Variants in IGSF11 observed in about 807,000 individuals in gnomAD.
IGSF11 encodes immunoglobulin superfamily member 11.
A neutral mutation model predicts 41.0 loss-of-function variants in IGSF11; 22 were observed. That is an observed-to-expected ratio of 0.54 (90% CI 0.38 to 0.77). IGSF11 has a LOEUF of 0.77. IGSF11 is among the 30% of genes least tolerant of loss of function. The pLI is 0.00. For synonymous variants in IGSF11, 219 were observed against 201.3 expected (o/e 1.09, Z -0.74); for missense variants, 444 against 530.8 (o/e 0.84, Z 1.61).
intron 1 of IGSF11, among the ~76,000 whole-genome samples, chr3:118,991,324 T>C (rs1198923701): frequency 6.6e-6 from 1 of 152,182 alleles, no homozygotes; most frequent in Non-Finnish European, 1.5e-5. Context: ...TATGTTATGG[T>C]GGTCTGACCG....
chr3:119,140,468 G>A (rs1015016842), intron 1 of IGSF11, among the ~76,000 whole-genome samples: 1 of 152,108 alleles, frequency 6.6e-6, no homozygotes, highest in Non-Finnish European at 1.5e-5. Context: ...CCAAAAATAT[G>A]TGAAGCAAAA....
intron 1 of IGSF11, among the ~76,000 whole-genome samples, chr3:119,056,498 A>G (rs1941840344): frequency 6.6e-6 from 1 of 152,186 alleles, no homozygotes; most frequent in Non-Finnish European, 1.5e-5. Flanking sequence ...CCAACCAAAA[A>G]AAGTCCAGGA....
intron 1 of IGSF11, among the ~76,000 whole-genome samples, chr3:118,967,644 T>C (rs1945773942): frequency 6.6e-6 from 1 of 152,070 alleles, no homozygotes; most frequent in Non-Finnish European, 1.5e-5. Context: ...AGCTTAGAAA[T>C]CACTTTCTTA....
At chr3:119,094,710 C>T (rs1427923936) in intron 1 of IGSF11, among the ~76,000 whole-genome samples, 10 of 146,358 alleles carry the variant, frequency 6.8e-5, no homozygotes, top group African/African-American at 1.5e-4. Context: ...TCACTCTTGT[C>T]GCCCAGGCTG....
intron 1 of IGSF11, among the ~76,000 whole-genome samples, chr3:119,044,971 G>A (rs1941263158): frequency 6.6e-6 from 1 of 151,962 alleles, no homozygotes; most frequent in South Asian, 2.1e-4. Context: ...AAATCTCACA[G>A]GACCTATAAA....
intron 1 of IGSF11, among the ~76,000 whole-genome samples, chr3:118,996,584 C>T (rs1936285760): frequency 6.6e-6 from 1 of 152,010 alleles, no homozygotes; most frequent in Admixed American, 6.6e-5. Context: ...AGACAAAGAA[C>T]ATGTCTTGTT....
chr3:119,040,467 T>C (rs1190045517), intron 1 of IGSF11, among the ~76,000 whole-genome samples: 1 of 152,200 alleles, frequency 6.6e-6, no homozygotes, highest in Non-Finnish European at 1.5e-5. Flanking sequence ...TCCCCTGTCT[T>C]GATGAATTGG....
chr3:119,045,386 CG>C (rs1357104217), intron 1 of IGSF11, among the ~76,000 whole-genome samples: 3 of 152,222 alleles, frequency 2.0e-5, no homozygotes, highest in African/African-American at 7.2e-5. Flanking sequence ...GGGTGACGAA[CG>C]GCACCTGGAA....
chr3:119,120,653 C>T lies in IGSF11; in HGVS notation c.-13-15448G>A, dbSNP rs772954344. The stretch of plus-strand genomic sequence containing the variant: ...CCCGTGAAAAGATTGGCCTCCCACC[C>T]TAACCTTTTGTTATACAAATGTGGC... On this transcript the variant is annotated intron_variant, in intron 1 of 7. Transcript: ENST00000425327. 3.9e-4 allele frequency among the ~76,000 whole-genome samples: 60 copies of T among 152,184 alleles called. 1 individual carries two copies. The highest frequency in any genetic ancestry group is 2.6e-4 in the Admixed American group (4 of 15,288).
In IGSF11 at chr3:119,014,526, T is replaced by A. The variant is rs932914704; in HGVS notation, c.52+20005A>T. Among the ~76,000 whole-genome samples the A allele has an allele frequency of 7.9e-5, 12 of 152,346 alleles. 1 individual carries two copies. In the South Asian group the frequency reaches 1.4e-3, roughly 18 times the overall value. On this transcript the variant is annotated intron_variant, in intron 1 of 6. Transcript: ENST00000393775. ...ACAGAAAGGCCCCAAGAAGAGATGA[T>A]TTTTGACCCTAAAGAAGTTAAAATT...
intron 1 of IGSF11, chr3:118,946,097 C>T (rs1001864368): frequency 6.6e-6 from 1 of 151,892 alleles, no homozygotes; most frequent in South Asian, 2.1e-4. Context: ...TTGTGCTTTT[C>T]CTTATCATAA....
At position 119,079,912 on chromosome 3, in the gene IGSF11, C is replaced by A. The variant is rs540366242; in HGVS notation, c.49+25232G>T. Among the ~76,000 whole-genome samples, 16 of 152,228 alleles carry A rather than the reference C, an allele frequency of 1.1e-4. No homozygotes were observed. The South Asian group carries it at 3.3e-3, about 32-fold the overall frequency. ...TGGAGGGTATGAGAAGGGTAAGGAT[C>A]AAAAGACTACCTATCGGGTACTACG... On this transcript the variant is annotated intron_variant, in intron 1 of 6. Transcript: ENST00000354673.
chr3:119,115,404 A>T (rs975127781), intron 1 of IGSF11, among the ~76,000 whole-genome samples: 2 of 152,180 alleles, frequency 1.3e-5, no homozygotes, highest in Non-Finnish European at 2.9e-5. Flanking sequence ...CATCCTTGGC[A>T]GCATTTGTTA....
At chr3:119,058,161 G>T (rs1240715891) in intron 1 of IGSF11, among the ~76,000 whole-genome samples, 1 of 152,036 alleles carries the variant, frequency 6.6e-6, no homozygotes, top group African/African-American at 2.4e-5. Context: ...CACAGCAAAA[G>T]AAACTACCAT....
chr3:118,965,630 T>C (rs1267484488), intron 1 of IGSF11, among the ~76,000 whole-genome samples: 26 of 152,088 alleles, frequency 1.7e-4, no homozygotes, highest in Admixed American at 1.7e-3. Context: ...AACAAATATA[T>C]GTGAGCTGCA....
intron 1 of IGSF11, among the ~76,000 whole-genome samples, chr3:119,058,190 T>C (rs915682285): frequency 2.6e-5 from 4 of 151,978 alleles, no homozygotes; most frequent in Admixed American, 1.3e-4. Flanking sequence ...ACAGGCAACC[T>C]ACAAAATGGG....
chr3:118,977,930 AC>A (rs1166753655), intron 1 of IGSF11, among the ~76,000 whole-genome samples: 1 of 151,718 alleles, frequency 6.6e-6, no homozygotes, highest in Non-Finnish European at 1.5e-5. Flanking sequence ...CAACAATCCC[AC>A]CCCCAGCCCA....
chr3:119,125,569 T>C (rs2077393391), intron 1 of IGSF11, among the ~76,000 whole-genome samples: 1 of 152,024 alleles, frequency 6.6e-6, no homozygotes, highest in Non-Finnish European at 1.5e-5. Context: ...ACAAAGTACA[T>C]TCACAGGGAT....
chr3:118,917,342 A>C (rs1311377228), intron 4 of IGSF11, among the ~76,000 whole-genome samples: 1 of 150,782 alleles, frequency 6.6e-6, no homozygotes, highest in African/African-American at 2.5e-5. Context: ...AAGGATCAAC[A>C]AAATTGATAG....
Sources: gnomAD v4.1 joint callset for allele counts (sites outside exome capture counted in the v4.1 genomes callset) on GRCh38, gnomAD v4.1.1 for gene constraint, MANE v1.5 for transcripts, NCBI Gene and HGNC (gene_info 2026-07-23, HGNC 2026-07-21) for gene names.